The following RLIM variants were observed in gnomAD, a reference collection of about 807,000 sequenced individuals.
The protein encoded by RLIM is ring finger protein, LIM domain interacting, also known as E3 ubiquitin-protein ligase RLIM.
Under a neutral mutation model 34.0 loss-of-function variants are expected in RLIM, and 2 were observed. The ratio of observed to expected loss-of-function variants is 0.06; its 90% CI spans 0.02 to 0.19. The LOEUF (loss-of-function observed/expected upper bound fraction) is 0.19. RLIM is among the 10% of genes least tolerant of loss of function. RLIM has a pLI of 1.00. For synonymous variants in RLIM, 169 were observed against 164.0 expected (o/e 1.03, Z -0.23); for missense variants, 286 against 479.7 (o/e 0.60, Z 3.77).
chrX:74,602,154 G>A (rs1370887252), intron 1 of RLIM, among the ~76,000 whole-genome samples: 1 of 111,587 alleles, frequency 9.0e-6, no homozygotes. Context: ...AATTATCAGT[G>A]GATTCCTAGG....
At chrX:74,595,697 G>T in intron 2 of RLIM, 112 bp downstream of exon 2, 1 of 511,029 alleles carries the variant, frequency 2.0e-6, no homozygotes, top group Non-Finnish European at 3.1e-6. Flanking sequence ...TATCCCCTAT[G>T]TTAAATAATA....
At position 74,588,437 on chromosome X, in the gene RLIM, CT is replaced by C; in HGVS notation, c.*3002del. 1 of 111,674 alleles carries C rather than the reference CT, an allele frequency of 9.0e-6. No individual in the cohort carries two copies. The highest frequency in any genetic ancestry group is 1.9e-5 in the Non-Finnish European group (1 of 53,238). 9.2% of individuals were successfully genotyped at this position (111,674 alleles called of 1,213,427 possible). On this transcript the variant is annotated 3_prime_UTR_variant, in exon 4 of 4. Transcript: ENST00000332687. Reference sequence around the variant, plus strand: ...AGTGAGCCGAGATCGCTCCATTGCACTTCATCCTGGGCAACCAAGTAAGACT... The same window carrying C: ...AGTGAGCCGAGATCGCTCCATTGCACTCATCCTGGGCAACCAAGTAAGACT...
At position 74,588,089 on chromosome X, in the gene RLIM, C is replaced by T. The variant is rs2079595725; in HGVS notation, c.*3351G>A. The T allele has an allele frequency of 2.7e-5, 3 of 112,562 alleles. No individual in the cohort carries two copies. Among genetic ancestry groups the T allele is most frequent in the African/African-American group, 9.7e-5 (3 of 30,949 alleles). 9.3% of individuals were successfully genotyped at this position (112,562 alleles called of 1,213,427 possible). A position where few individuals can be genotyped will look rare whatever the true frequency, so the allele number is the denominator to read the frequency against. ...TTTCAGAGCAAATATTCCAAATTAA[C>T]AAGGTGGCTCATCTTCTATAGTGTT... On this transcript the variant is annotated 3_prime_UTR_variant, in exon 4 of 4. Transcript: ENST00000332687.
Position 74,586,106 on chromosome X carries a change from C to G in RLIM, c.*5334G>C, listed in dbSNP as rs1047928321. 8.9e-6 allele frequency: 1 copy of G among 111,945 alleles called. No individual in the cohort carries two copies. The highest frequency in any genetic ancestry group is 1.9e-5 in the Non-Finnish European group (1 of 53,266). The allele number at this position is 111,945 out of a possible 1,213,427, so 9.2% of individuals were successfully genotyped here. A position where few individuals can be genotyped will look rare whatever the true frequency, so the allele number is the denominator to read the frequency against. On this transcript the variant is annotated 3_prime_UTR_variant, in exon 4 of 4. Transcript: ENST00000332687. ...AAACAGGCACAGATACATCACCAGGCCAACTGCGTACCTACTCAACTTGAT... is the reference window on the plus strand; with the variant it reads ...AAACAGGCACAGATACATCACCAGGGCAACTGCGTACCTACTCAACTTGAT...
At chrX:74,607,104 A>T (rs1464933049) in intron 1 of RLIM, among the ~76,000 whole-genome samples, 1 of 103,597 alleles carries the variant, frequency 9.7e-6, no homozygotes, top group Admixed American at 1.1e-4. Flanking sequence ...ATCACGTCAC[A>T]GCAGTCTAGT....
rs1014872156 is a variant in RLIM, at chrX:74,584,369, T to A, written c.*7071A>T. 8.9e-6 allele frequency among the ~76,000 whole-genome samples: 1 copy of A among 112,282 alleles called. No individual in the cohort carries two copies. Among genetic ancestry groups the A allele is most frequent in the Non-Finnish European group, 1.9e-5 (1 of 53,316 alleles). On this transcript the variant is annotated 3_prime_UTR_variant, in exon 4 of 4. Transcript: ENST00000332687. Reference sequence around the variant, plus strand: ...GTCACTGTGATGATTAAATAATTTATATAGAATACTTAATACAATGCCTGA... The same window carrying A: ...GTCACTGTGATGATTAAATAATTTAAATAGAATACTTAATACAATGCCTGA...
At chrX:74,600,972 C>T (rs1468261465) in intron 1 of RLIM, among the ~76,000 whole-genome samples, 1 of 109,472 alleles carries the variant, frequency 9.1e-6, no homozygotes, top group Admixed American at 9.7e-5. Context: ...TGCAGTGAGC[C>T]GAGATCGTGC....
Position 74,613,460 on chromosome X carries a change from A to G in RLIM, c.-24+962T>C, listed in dbSNP as rs369999699. On this transcript the variant is annotated intron_variant, in intron 1 of 3. Coordinates refer to ENST00000332687, the MANE Select transcript of RLIM (RefSeq NM_016120.4). Reference sequence around the variant, plus strand: ...AGATTCCCAGACTAACCTGTGGAATAAGTATGGTGAAACTGTCTAGGGAAG... The same window carrying G: ...AGATTCCCAGACTAACCTGTGGAATGAGTATGGTGAAACTGTCTAGGGAAG... Among the ~76,000 whole-genome samples the G allele has an allele frequency of 5.4e-5, 6 of 110,673 alleles. No individual in the cohort carries two copies. In the East Asian group the frequency reaches 1.7e-3, roughly 31 times the overall value.
Position 74,592,111 on chromosome X carries a change from T to C in RLIM, c.1204A>G (p.Ile402Val). 8.3e-7 allele frequency: 1 copy of C among 1,211,951 alleles called. No individual in the cohort carries two copies. The highest frequency in any genetic ancestry group is 1.1e-6 in the Non-Finnish European group (1 of 895,538). ...ATTATCTGCCTTAACATGGTCTGAA[T>C]TGCAACAGATGTAGTCTCACTTAAA... ...TGLSETTSVA[I>V]QTMLRQIMTG... The change falls in exon 4 of 4, where the codon ATT becomes GTT. Residue 402 changes from isoleucine to valine, a missense_variant. Physicochemically the swap from Ile to Val is conservative, Grantham distance 29. This residue lies in a region of RLIM where 12 missense variants were observed against 45.2 expected (regional missense o/e 0.27). Coordinates refer to ENST00000332687, the MANE Select transcript of RLIM (RefSeq NM_016120.4).
chrX:74,597,065 A>G (rs1303190206), intron 1 of RLIM, among the ~76,000 whole-genome samples: 1 of 112,369 alleles, frequency 8.9e-6, no homozygotes, highest in Non-Finnish European at 1.9e-5. Flanking sequence ...ACTACAGTTC[A>G]AAAAGTTAGA....
chrX:74,603,650 T>C (rs904771667), intron 1 of RLIM, among the ~76,000 whole-genome samples: 8 of 111,817 alleles, frequency 7.2e-5, no homozygotes, highest in African/African-American at 2.6e-4. Context: ...ATGTGAACAC[T>C]GAGTTCATTT....
intron 1 of RLIM, among the ~76,000 whole-genome samples, chrX:74,611,382 C>G (rs2079710154): frequency 8.9e-6 from 1 of 112,131 alleles, no homozygotes; most frequent in Admixed American, 9.5e-5. Context: ...TACATGTTCA[C>G]TAACCTCAAA....
In RLIM at chrX:74,585,266, G is replaced by A. The variant is rs764564503; in HGVS notation, c.*6174C>T. On this transcript the variant is annotated 3_prime_UTR_variant, in exon 4 of 4. Coordinates refer to ENST00000332687, the MANE Select transcript of RLIM (RefSeq NM_016120.4). ...ATAATCTTTTATTTTACCACTCAACGATTAAGCCATTCAACTACACAACAC... is the reference window on the plus strand; with the variant it reads ...ATAATCTTTTATTTTACCACTCAACAATTAAGCCATTCAACTACACAACAC... 2 of 111,978 alleles carry A rather than the reference G, an allele frequency of 1.8e-5. No individual in the cohort carries two copies. The highest frequency in any genetic ancestry group is 5.6e-4 in the East Asian group (2 of 3,579). 9.2% of individuals were successfully genotyped at this position (111,978 alleles called of 1,213,427 possible). A position where few individuals can be genotyped will look rare whatever the true frequency, so the allele number is the denominator to read the frequency against.
intron 3 of RLIM, 62 bp from the exon 4 acceptor site, chrX:74,593,123 A>G (rs1174118876): frequency 1.2e-5 from 13 of 1,080,154 alleles, no homozygotes; most frequent in South Asian, 5.0e-5. Flanking sequence ...GGACAATCAT[A>G]TAAGTGCTCT....
chrX:74,598,683 G>A (rs1190580119), intron 1 of RLIM, among the ~76,000 whole-genome samples: 2 of 107,692 alleles, frequency 1.9e-5, no homozygotes, highest in Non-Finnish European at 3.8e-5. Context: ...GGAGGCTGAG[G>A]CAGGAGAATG....
rs997546989 is a variant in RLIM at position 74,584,438 on chromosome X, C to A, written c.*7002G>T. 3.6e-5 allele frequency among the ~76,000 whole-genome samples: 4 copies of A among 112,368 alleles called. No individual in the cohort carries two copies. Among genetic ancestry groups the A allele is most frequent in the African/African-American group, 9.7e-5 (3 of 30,984 alleles). ...AGCTAATTTAATTATAGTTAGTAAT[C>A]CATGCAAGGCCTTATAGTTAAATCT... On this transcript the variant is annotated 3_prime_UTR_variant, in exon 4 of 4. Coordinates refer to ENST00000332687, the MANE Select transcript of RLIM (RefSeq NM_016120.4).
At chrX:74,595,541 A>G (rs1206328443) in intron 2 of RLIM, among the ~76,000 whole-genome samples, 1 of 111,971 alleles carries the variant, frequency 8.9e-6, no homozygotes, top group Non-Finnish European at 1.9e-5. Flanking sequence ...AAAGCTAACT[A>G]AGAAAAAAAA....
In RLIM at chrX:74,584,644, A is replaced by G. The variant is rs1931302417; in HGVS notation, c.*6796T>C. On this transcript the variant is annotated 3_prime_UTR_variant, in exon 4 of 4. Coordinates refer to ENST00000332687, the MANE Select transcript of RLIM (RefSeq NM_016120.4). ...CAGGCTGGAGTGCATCAGCATGATC[A>G]TGGCTCACTGCAGCCTTGACCTCCC... Among the ~76,000 whole-genome samples the G allele has an allele frequency of 3.6e-5, 4 of 110,830 alleles. No individual in the cohort carries two copies. The highest frequency in any genetic ancestry group is 1.3e-4 in the African/African-American group (4 of 30,406).
intron 1 of RLIM, among the ~76,000 whole-genome samples, chrX:74,607,752 CA>C: frequency 9.0e-6 from 1 of 110,559 alleles, no homozygotes; most frequent in African/African-American, 3.3e-5. Flanking sequence ...CACACACACA[CA>C]AAAAAAACAA....
Sources: allele counts gnomAD v4.1 joint callset (sites outside exome capture counted in the v4.1 genomes callset), GRCh38; gene constraint gnomAD v4.1.1; regional missense constraint gnomAD v4.1.1; transcripts MANE v1.5; gene names NCBI Gene and HGNC (gene_info 2026-07-23, HGNC 2026-07-21).